Variants in COL14A1 observed in about 807,000 individuals in gnomAD.
The protein encoded by COL14A1 is collagen alpha-1(XIV) chain.
A neutral mutation model predicts 230.3 loss-of-function variants in COL14A1; 136 were observed. The ratio of observed to expected loss-of-function variants is 0.59; its 90% confidence interval spans 0.51 to 0.68. COL14A1 has a LOEUF of 0.68. COL14A1 is among the 30% of genes least tolerant of loss of function. COL14A1 has a pLI of 0.00. For synonymous variants in COL14A1, 792 were observed against 784.1 expected (o/e 1.01, Z -0.17); for missense variants, 1,976 against 2,215.8 (o/e 0.89, Z 2.17).
chr8:120,358,779 A>C (rs1316812718), intron 45 of COL14A1, among the ~76,000 whole-genome samples: 1 of 152,190 alleles, frequency 6.6e-6, no homozygotes, highest in African/African-American at 2.4e-5. Flanking sequence ...ATATGATAAA[A>C]CTAAAGTTGT....
chr8:120,136,516 T>C (rs1182387436), intron 1 of COL14A1, among the ~76,000 whole-genome samples: 1 of 152,138 alleles, frequency 6.6e-6, no homozygotes, highest in Non-Finnish European at 1.5e-5. Flanking sequence ...CAATATTACA[T>C]TCCTGTAATA....
chr8:120,355,672 C>T (rs1328251488), intron 45 of COL14A1, among the ~76,000 whole-genome samples: 2 of 152,048 alleles, frequency 1.3e-5, no homozygotes, highest in African/African-American at 2.4e-5. Flanking sequence ...CACCCCGCCT[C>T]GGCCTCACAA....
intron 34 of COL14A1, among the ~76,000 whole-genome samples, chr8:120,292,925 T>A (rs1268480520): frequency 6.6e-6 from 1 of 152,066 alleles, no homozygotes; most frequent in African/African-American, 2.4e-5. Context: ...AATCAACTGG[T>A]GTTCAGCAAT....
At chr8:120,278,786 A>G (rs965377556) in intron 28 of COL14A1, among the ~76,000 whole-genome samples, 1 of 152,126 alleles carries the variant, frequency 6.6e-6, no homozygotes, top group African/African-American at 2.4e-5. Flanking sequence ...TTTCTCTAAC[A>G]CTTTTGTTAC....
chr8:120,212,726 G>A (rs1586770938), intron 13 of COL14A1, 149 bp downstream of exon 13: 4 of 825,224 alleles, frequency 4.8e-6, no homozygotes, highest in Non-Finnish European at 5.5e-6. Flanking sequence ...GCAAGGAAAT[G>A]TATTTCTTAT....
chr8:120,227,344 G>C lies in COL14A1; in HGVS notation c.2129G>C (p.Gly710Ala). Residue 710 changes from glycine to alanine, a missense_variant, in exon 17 of 48, where the codon GGG becomes GCG. Physicochemically the swap from Gly to Ala is moderately conservative, Grantham distance 60 (BLOSUM62 0). This residue lies in a region of COL14A1 where 1,791 missense variants were observed against 2,019.5 expected (regional missense o/e 0.89). Transcript: ENST00000297848. ...GAGAGTGAGGTGGTGACTGCTGTCG[G>C]GACCACACGTAAGTCTTGGTCTGGC... is the stretch of plus-strand genomic sequence containing the variant. ...GSESEVVTAVGTTLDSFWTEP... is the reference protein window; with the variant it reads ...GSESEVVTAVATTLDSFWTEP... 6.2e-7 allele frequency: 1 copy of C among 1,613,460 alleles called. No individual in the cohort carries two copies. The highest frequency in any genetic ancestry group is 8.5e-7 in the Non-Finnish European group (1 of 1,179,936).
chr8:120,322,769 G>A (rs1328097501), intron 40 of COL14A1, among the ~76,000 whole-genome samples: 1 of 151,808 alleles, frequency 6.6e-6, no homozygotes, highest in Non-Finnish European at 1.5e-5. Flanking sequence ...TGGTGTATAT[G>A]TACTACATTT....
intron 1 of COL14A1, among the ~76,000 whole-genome samples, chr8:120,126,994 A>C (rs1814362458): frequency 6.6e-6 from 1 of 152,118 alleles, no homozygotes. Flanking sequence ...CAATTCAATG[A>C]TTTTTAGTGT....
chr8:120,138,052 T>A (rs576804205), intron 1 of COL14A1, among the ~76,000 whole-genome samples: 17 of 152,206 alleles, frequency 1.1e-4, no homozygotes, highest in Non-Finnish European at 1.6e-4. Flanking sequence ...AAAATGTACA[T>A]TTTTGCAGTT....
chr8:120,243,709 T>A (rs530118930), intron 19 of COL14A1, among the ~76,000 whole-genome samples, 170 bp from the exon 20 acceptor site: 5 of 152,352 alleles, frequency 3.3e-5, no homozygotes, highest in Admixed American at 3.3e-4. Flanking sequence ...GTTACTGTGA[T>A]GGGAATTTCA....
At chr8:120,137,776 A>T (rs552968907) in intron 1 of COL14A1, among the ~76,000 whole-genome samples, 7 of 151,712 alleles carry the variant, frequency 4.6e-5, no homozygotes, top group Non-Finnish European at 1.0e-4. Context: ...TTTTATTATT[A>T]TTCATTTTTT....
At chr8:120,267,034 G>A (rs1819521418) in intron 25 of COL14A1, 151 bp downstream of exon 25, 1 of 633,536 alleles carries the variant, frequency 1.6e-6, no homozygotes, top group African/African-American at 1.9e-5. Context: ...AACCATGATG[G>A]GCTTGAATGA....
intron 22 of COL14A1, 36 bp downstream of exon 22, chr8:120,250,802 G>C (rs781163824): frequency 6.2e-7 from 1 of 1,610,314 alleles, no homozygotes; most frequent in African/African-American, 1.3e-5. Flanking sequence ...GCCGCATATG[G>C]GTTTTTGTTT....
intron 14 of COL14A1, among the ~76,000 whole-genome samples, chr8:120,224,881 T>C (rs1430041513): frequency 6.6e-6 from 1 of 152,202 alleles, no homozygotes; most frequent in Non-Finnish European, 1.5e-5. Context: ...AGAATATTGA[T>C]TGCAAAGTTG....
intron 21 of COL14A1, 107 bp downstream of exon 21, chr8:120,247,842 A>T: frequency 1.5e-6 from 2 of 1,368,114 alleles, no homozygotes; most frequent in Non-Finnish European, 2.0e-6. Context: ...GTATTTTTTT[A>T]AAGAAGTAGG....
chr8:120,138,618 T>C (rs1425078807), intron 1 of COL14A1, among the ~76,000 whole-genome samples: 2 of 152,172 alleles, frequency 1.3e-5, no homozygotes, highest in African/African-American at 4.8e-5. Flanking sequence ...ATTTAGAGTT[T>C]TTTCCTCCTA....
At chr8:120,133,684 T>C (rs988649700) in intron 1 of COL14A1, among the ~76,000 whole-genome samples, 1 of 152,270 alleles carries the variant, frequency 6.6e-6, no homozygotes, top group South Asian at 2.1e-4. Context: ...TGTCTAGCCA[T>C]GTGTCTTCAA....
At chr8:120,281,083 A>G in intron 31 of COL14A1, 24 bp downstream of exon 31, 7 of 1,594,720 alleles carry the variant, frequency 4.4e-6, no homozygotes, top group Non-Finnish European at 6.0e-6. Context: ...GAAAGATTTT[A>G]AAGTCATCGT....
intron 21 of COL14A1, among the ~76,000 whole-genome samples, chr8:120,249,774 C>A (rs1299310379): frequency 6.6e-6 from 1 of 152,108 alleles, no homozygotes; most frequent in East Asian, 1.9e-4. Flanking sequence ...CTGTTCTAGG[C>A]CAAGTGGGAG....
Sources: allele counts gnomAD v4.1 joint callset (sites outside exome capture counted in the v4.1 genomes callset), GRCh38; gene constraint gnomAD v4.1.1; regional missense constraint gnomAD v4.1.1; transcripts MANE v1.5; gene names NCBI Gene and HGNC (gene_info 2026-07-23, HGNC 2026-07-21).